Variants in FAM120B observed in about 807,000 individuals in gnomAD.
The protein encoded by FAM120B is constitutive coactivator of peroxisome proliferator-activated receptor gamma.
FAM120B carries 83 observed loss-of-function variants against 96.3 expected under a neutral mutation model. That is an observed-to-expected ratio of 0.86 (90% CI 0.72 to 1.03). The LOEUF is 1.03. FAM120B is among the 50% of genes least tolerant of loss of function. FAM120B has a pLI of 0.00. For missense variants in FAM120B, 1,027 were observed against 1,121.2 expected (o/e 0.92, Z 1.20); for synonymous variants, 407 against 402.7 (o/e 1.01, Z -0.13).
chr6:170,400,475 G>A (rs1215719083), intron 9 of FAM120B, among the ~76,000 whole-genome samples: 1 of 152,096 alleles, frequency 6.6e-6, no homozygotes, highest in African/African-American at 2.4e-5. Flanking sequence ...TGCTGTGGTA[G>A]CTTCAGACAG....
rs188216079 is a variant in FAM120B, at chr6:170,336,390, C to G, written c.2017+5840C>G. On this transcript the variant is annotated intron_variant, in intron 4 of 10. Coordinates refer to ENST00000476287, the MANE Select transcript of FAM120B (RefSeq NM_032448.3). The stretch of plus-strand genomic sequence containing the variant: ...TGGTGTTATTTCTGAGGCCTTTGGT[C>G]TATATATCTGTTTTGGTACCAGTAC... Among the ~76,000 whole-genome samples, 189 of 152,118 alleles carry G rather than the reference C, an allele frequency of 1.2e-3. 1 individual carries two copies. The Middle Eastern group carries it at 0.027, about 22-fold the overall frequency.
Position 170,348,324 on chromosome 6 carries a change from G to T in FAM120B, c.2190+1G>T. 1 of 1,612,214 alleles carries T rather than the reference G, an allele frequency of 6.2e-7. No homozygotes were observed. Among genetic ancestry groups the T allele is most frequent in the Non-Finnish European group, 8.5e-7 (1 of 1,179,646 alleles). ...CCTCTTGATCTACCTCTTTGTCCAG[G>T]TAATGTCCAGCTGCCCGTTCTAGTC... is the stretch of plus-strand genomic sequence containing the variant. On this transcript the variant is annotated splice_donor_variant, in intron 5 of 10. Coordinates refer to ENST00000476287, the MANE Select transcript of FAM120B (RefSeq NM_032448.3). LOFTEE classifies it high-confidence loss of function.
intron 5 of FAM120B, among the ~76,000 whole-genome samples, chr6:170,350,879 C>G (rs1434786366): frequency 1.3e-5 from 2 of 152,214 alleles, no homozygotes; most frequent in Non-Finnish European, 2.9e-5. Context: ...GCCAGAGCGC[C>G]TTTTCTCCTC....
intron 1 of FAM120B, among the ~76,000 whole-genome samples, chr6:170,311,302 A>C (rs1009223857): frequency 1.3e-5 from 2 of 152,082 alleles, no homozygotes; most frequent in African/African-American, 4.8e-5. Flanking sequence ...TCTGGCCCCA[A>C]CTCCTCCAGC....
chr6:170,399,768 A>G (rs1218147842), intron 9 of FAM120B, among the ~76,000 whole-genome samples: 420 of 147,522 alleles, frequency 2.8e-3, no homozygotes, highest in Middle Eastern at 3.5e-3. Context: ...AGGTAGAACT[A>G]TGTCATAACC....
chr6:170,298,457 G>A (rs1439712044), intron 1 of FAM120B: 5 of 151,854 alleles, frequency 3.3e-5, no homozygotes, highest in African/African-American at 1.2e-4. Flanking sequence ...TTCCAATGAG[G>A]AAACAGAACA....
intron 4 of FAM120B, 124 bp downstream of exon 4, chr6:170,330,674 C>T (rs1163412497): frequency 1.4e-6 from 1 of 713,530 alleles, no homozygotes; most frequent in Non-Finnish European, 2.4e-6. Context: ...TTTATTTAAA[C>T]CCTTGGCTCA....
intron 5 of FAM120B, among the ~76,000 whole-genome samples, chr6:170,357,132 C>G (rs1460213573): frequency 2.0e-5 from 3 of 152,162 alleles, no homozygotes; most frequent in Non-Finnish European, 4.4e-5. Context: ...ATTCATGGGT[C>G]TGCTGTTGGC....
intron 6 of FAM120B, among the ~76,000 whole-genome samples, chr6:170,361,195 C>CGTGTGT (rs1491313840): frequency 3.7e-5 from 1 of 26,840 alleles, no homozygotes; most frequent in African/African-American, 1.1e-4. Context: ...TATATATATA[C>CGTGTGT]GTGTATATAT....
chr6:170,397,168 G>A (rs932788085), intron 9 of FAM120B, among the ~76,000 whole-genome samples: 10 of 152,250 alleles, frequency 6.6e-5, no homozygotes. Flanking sequence ...GAAGAGTGCA[G>A]GGTCTGGGCT....
intron 4 of FAM120B, among the ~76,000 whole-genome samples, chr6:170,338,642 T>C (rs370244556): frequency 6.6e-6 from 1 of 152,280 alleles, no homozygotes. Context: ...CCACTATTAC[T>C]GTGTGGGAGT....
intron 9 of FAM120B, among the ~76,000 whole-genome samples, chr6:170,397,901 A>G (rs2115334849): frequency 6.6e-6 from 1 of 152,322 alleles, no homozygotes; most frequent in Admixed American, 6.5e-5. Flanking sequence ...TTTCGGGCAG[A>G]CTGACTGGGC....
In FAM120B at chr6:170,338,014, T is replaced by C. The variant is rs1786557653; in HGVS notation, c.2017+7464T>C. Reference sequence around the variant, plus strand: ...TTCATTGATTTTTTTGAAGGGTTTTTCATGTCTCTATCTCCTTCAGTTCTG... The same window carrying C: ...TTCATTGATTTTTTTGAAGGGTTTTCCATGTCTCTATCTCCTTCAGTTCTG... On this transcript the variant is annotated intron_variant, in intron 4 of 10. Coordinates refer to ENST00000476287, the MANE Select transcript of FAM120B (RefSeq NM_032448.3). 2.0e-5 allele frequency among the ~76,000 whole-genome samples: 3 copies of C among 152,324 alleles called. No homozygotes were observed. The South Asian group carries it at 6.2e-4, about 32-fold the overall frequency.
intron 4 of FAM120B, among the ~76,000 whole-genome samples, chr6:170,331,466 T>G (rs1786029771): frequency 6.6e-6 from 1 of 152,226 alleles, no homozygotes; most frequent in Non-Finnish European, 1.5e-5. Context: ...TAGGGAGTGT[T>G]TCCTTATTCT....
rs1230760977 is a variant in FAM120B at position 170,318,275 on chromosome 6, TC to T, written c.886del (p.Leu296PhefsTer26). On this transcript the variant is annotated frameshift_variant, in exon 2 of 11. Coordinates refer to ENST00000476287, the MANE Select transcript of FAM120B (RefSeq NM_032448.3). LOFTEE classifies it high-confidence loss of function. ...EILPLGPNKA[L>X]FYKGMASYLL... ...TATTACCTCTGGGACCAAACAAAGCTCTTTTTTATAAAGGAATGGCATCATA... is the reference window on the plus strand; with the variant it reads ...TATTACCTCTGGGACCAAACAAAGCTTTTTTTATAAAGGAATGGCATCATA... 1.2e-6 allele frequency: 2 copies of T among 1,614,086 alleles called. No individual in the cohort carries two copies. The highest frequency in any genetic ancestry group is 2.2e-5 in the South Asian group (2 of 91,066).
At chr6:170,357,277 C>T (rs376234631) in intron 5 of FAM120B, among the ~76,000 whole-genome samples, 5 of 152,048 alleles carry the variant, frequency 3.3e-5, no homozygotes, top group East Asian at 1.9e-4. Flanking sequence ...GGTAGCTGAA[C>T]GCGGTGGCTG....
intron 6 of FAM120B, among the ~76,000 whole-genome samples, chr6:170,359,747 C>T (rs1788218226): frequency 1.3e-5 from 2 of 152,144 alleles, no homozygotes; most frequent in Non-Finnish European, 2.9e-5. Context: ...CCACAACTTT[C>T]AATACTAGGT....
rs201089295 is a variant in FAM120B, at chr6:170,318,659, A to G, written c.1269A>G (p.Gln423=). Reference sequence around the variant, plus strand: ...TGTGTACAGGCCCTGAAGCCAGGCAAGAAGTTCCCATGTATACAGACTCTG... The same window carrying G: ...TGTGTACAGGCCCTGAAGCCAGGCAGGAAGTTCCCATGTATACAGACTCTG... The part of the protein sequence containing the change: ...VPMCTGPEAR[Q]EVPMYTDSEP... Residue 423 remains glutamine, a synonymous_variant, in exon 2 of 11, where the codon CAA becomes CAG. Transcript: ENST00000476287. 5 of 1,590,260 alleles carry G rather than the reference A, an allele frequency of 3.1e-6. No individual in the cohort carries two copies. The East Asian group carries it at 1.2e-4, about 38-fold the overall frequency.
At chr6:170,381,853 C>G (rs1789923742) in intron 6 of FAM120B, among the ~76,000 whole-genome samples, 1 of 151,622 alleles carries the variant, frequency 6.6e-6, no homozygotes, top group African/African-American at 2.4e-5. Flanking sequence ...GGAGATCTTT[C>G]TCAACTTGAT....
Sources: gnomAD v4.1 joint callset for allele counts (sites outside exome capture counted in the v4.1 genomes callset) on GRCh38, gnomAD v4.1.1 for gene constraint, MANE v1.5 for transcripts, NCBI Gene and HGNC (gene_info 2026-07-23, HGNC 2026-07-21) for gene names.